IGSF3: variants seen among roughly 807,000 people sequenced by gnomAD.
The protein encoded by IGSF3 is glu-Trp-Ile EWI motif-containing protein 3.
Under a neutral mutation model 114.4 loss-of-function variants are expected in IGSF3, and 23 were observed. The observed-to-expected ratio is 0.20, with a 90% CI of 0.14 to 0.28. The LOEUF is 0.28. Among genes scored for constraint, IGSF3 ranks in the 10% least tolerant of loss-of-function variants. The pLI is 1.00. For missense variants in IGSF3, 1,172 were observed against 1,591.5 expected, an observed-to-expected ratio of 0.74 and a Z score of 4.48; for synonymous variants, 571 against 645.2, an observed-to-expected ratio of 0.88 and a Z score of 1.74.
In IGSF3 at chr1:116,655,560, C is replaced by A. The variant is rs528245364; in HGVS notation, c.43+10724G>T. Among the ~76,000 whole-genome samples, 1 of 152,312 alleles carries A rather than the reference C, an allele frequency of 6.6e-6. No individual in the cohort carries two copies. Among genetic ancestry groups the A allele is most frequent in the East Asian group, 1.9e-4 (1 of 5,190 alleles). On this transcript the variant is annotated intron_variant, in intron 2 of 10. Coordinates refer to ENST00000369486, the MANE Select transcript of IGSF3 (RefSeq NM_001007237.3). This position sits in a 1 kb window ranked among gnomAD's most constrained non-coding sequence, Gnocchi z 4.3. Reference sequence around the variant, plus strand: ...CTGCAGGGGTTGAGAAAAAAAAGTTCTCTTCCTTTGGGTTAAAGTCTTAAA... The same window carrying A: ...CTGCAGGGGTTGAGAAAAAAAAGTTATCTTCCTTTGGGTTAAAGTCTTAAA...
chr1:116,660,479 CTTTTTTTT>C (rs71274759), intron 2 of IGSF3, among the ~76,000 whole-genome samples: 1 of 99,742 alleles, frequency 1.0e-5, no homozygotes, highest in African/African-American at 3.7e-5. Context: ...GTATGCTTTT[CTTTTTTTT>C]TTTTTTTTTT....
rs764711529 is a variant in IGSF3 at position 116,603,660 on chromosome 1, G to A, written c.1588C>T (p.Arg530Cys). Residue 530 changes from arginine (R) to cysteine (C), a missense_variant, in exon 6 of 11, where the codon CGC (arginine) becomes TGC (cysteine). Arg to Cys is a radical substitution (Grantham distance 180). This residue lies in a region of IGSF3 where 736 missense variants were observed against 1,042.0 expected (regional missense o/e 0.71). Transcript: ENST00000369486. The surrounding 1 kb of genome is among the most constrained non-coding windows in gnomAD (Gnocchi z 7.1). ...VDGEWQIVGE[R>C]RASTPISITA... ...ATGGAGATGGGAGTGCTGGCCCGGC[G>A]CTCCCCAACAATCTGCCACTCGCCA... The A allele has an allele frequency of 3.0e-5, 49 of 1,613,586 alleles. No homozygotes were observed. The highest frequency in any genetic ancestry group is 6.7e-5 in the East Asian group (3 of 44,888).
In IGSF3 at chr1:116,575,058, A is replaced by G. The variant is rs917630498; in HGVS notation, c.*2254T>C. ...GCCGTGAACTGAAATCTAAGATTTC[A>G]AACTGAAATCTTAGTTACACATCCT... On this transcript the variant is annotated 3_prime_UTR_variant, in exon 11 of 11. Transcript: ENST00000369486. This position sits in a 1 kb window ranked among gnomAD's most constrained non-coding sequence, Gnocchi z 5.6. 1.3e-5 allele frequency: 2 copies of G among 152,628 alleles called. No individual in the cohort carries two copies. The highest frequency in any genetic ancestry group is 1.9e-4 in the East Asian group (1 of 5,198). The allele number at this position is 152,628 out of a possible 1,614,324, so 9.5% of individuals were successfully genotyped here.
intron 2 of IGSF3, among the ~76,000 whole-genome samples, chr1:116,646,443 C>T (rs546118166): frequency 4.6e-5 from 7 of 152,080 alleles, no homozygotes; most frequent in African/African-American, 1.2e-4. Flanking sequence ...TAATTTTACT[C>T]CAAAAGTTCC....
At chr1:116,611,411 C>T (rs1661013967) in intron 4 of IGSF3, among the ~76,000 whole-genome samples, 1 of 152,202 alleles carries the variant, frequency 6.6e-6, no homozygotes, top group South Asian at 2.1e-4. Flanking sequence ...TGAACACCAA[C>T]ACACACCCAT....
intron 2 of IGSF3, among the ~76,000 whole-genome samples, chr1:116,620,819 C>T (rs1354658555): frequency 6.6e-6 from 1 of 152,214 alleles, no homozygotes; most frequent in Non-Finnish European, 1.5e-5. Context: ...TAGCTCACTG[C>T]AGCCTTGACC....
At chr1:116,602,329 A>G (rs962084678) in intron 6 of IGSF3, among the ~76,000 whole-genome samples, 1 of 149,834 alleles carries the variant, frequency 6.7e-6, no homozygotes, top group African/African-American at 2.5e-5. Context: ...AACTCTAATC[A>G]CTCATTGGAC....
In IGSF3 at chr1:116,600,292, C is replaced by T. The variant is rs372163033; in HGVS notation, c.1678G>A (p.Asp560Asn). The change falls in exon 7 of 11, where the codon GAC (aspartate) becomes AAC (asparagine). Residue 560 changes from aspartate (D) to asparagine (N), a missense_variant. Transcript: ENST00000369486. This position sits in a 1 kb window ranked among gnomAD's most constrained non-coding sequence, Gnocchi z 5.5. ...ATGATACACTGCAAGTCAAAGGAGT[C>T]GCTGTAGGTCACCCCCGGTGTCCGG... ...ISRTPGVTYSDSFDLQCIIKP... is the reference protein window; with the variant it reads ...ISRTPGVTYSNSFDLQCIIKP... The T allele has an allele frequency of 6.8e-5, 110 of 1,612,978 alleles. 1 individual carries two copies. The highest frequency in any genetic ancestry group is 1.9e-4 in the African/African-American group (14 of 75,040).
At chr1:116,602,124 T>G (rs1237210393) in intron 6 of IGSF3, among the ~76,000 whole-genome samples, 1 of 152,214 alleles carries the variant, frequency 6.6e-6, no homozygotes, top group Non-Finnish European at 1.5e-5. Flanking sequence ...GTTCAGTCCT[T>G]TGGGCCACCT....
chr1:116,581,872 C>G (rs1659615598), intron 9 of IGSF3, among the ~76,000 whole-genome samples: 1 of 152,208 alleles, frequency 6.6e-6, no homozygotes, highest in Non-Finnish European at 1.5e-5. Context: ...GGGAGCCCCC[C>G]ACCCCATGCT....
rs1216730042 is a variant in IGSF3, at chr1:116,575,530, A to G, written c.*1782T>C. On this transcript the variant is annotated 3_prime_UTR_variant, in exon 11 of 11. Coordinates refer to ENST00000369486, the MANE Select transcript of IGSF3 (RefSeq NM_001007237.3). This position sits in a 1 kb window ranked among gnomAD's most constrained non-coding sequence, Gnocchi z 5.6. ...ATCAGCACAGACACTGGCCTGGGGA[A>G]TCCCATGGCCTCCCCTGCAGTCTGC... 1 of 152,324 alleles carries G rather than the reference A, an allele frequency of 6.6e-6. No homozygotes were observed. Among genetic ancestry groups the G allele is most frequent in the Non-Finnish European group, 1.5e-5 (1 of 68,010 alleles). The allele number at this position is 152,324 out of a possible 1,614,324, so 9.4% of individuals were successfully genotyped here. A position where few individuals can be genotyped will look rare whatever the true frequency, so the allele number is the denominator to read the frequency against.
In IGSF3 at chr1:116,610,728, TCTCCC is replaced by T. The variant is rs1660988116; in HGVS notation, c.833-2402_833-2398del. Among the ~76,000 whole-genome samples the T allele has an allele frequency of 6.6e-6, 1 of 152,034 alleles. No individual in the cohort carries two copies. The highest frequency in any genetic ancestry group is 1.5e-5 in the Non-Finnish European group (1 of 68,026). On this transcript the variant is annotated intron_variant, in intron 4 of 10. Transcript: ENST00000369486. The surrounding 1 kb of genome is among the most constrained non-coding windows in gnomAD (Gnocchi z 4.3). ...TCTGGTCACCTCTTACTGCTGCTGTTCTCCCAGGTCCTTTCCCATTTTTACCCCAT... is the reference window on the plus strand; with the variant it reads ...TCTGGTCACCTCTTACTGCTGCTGTTAGGTCCTTTCCCATTTTTACCCCAT...
chr1:116,580,571 G>A (rs1471336753), intron 9 of IGSF3, among the ~76,000 whole-genome samples: 7 of 152,252 alleles, frequency 4.6e-5, no homozygotes, highest in Non-Finnish European at 8.8e-5. Flanking sequence ...TGCATGCACC[G>A]AGGAAAGACT....
chr1:116,631,053 T>A (rs1647550622), intron 2 of IGSF3, among the ~76,000 whole-genome samples: 1 of 152,040 alleles, frequency 6.6e-6, no homozygotes, highest in Non-Finnish European at 1.5e-5. Context: ...GCATGGTGGC[T>A]CACGCCTGTA....
At position 116,662,999 on chromosome 1, in the gene IGSF3, C is replaced by A. The variant is rs188809340; in HGVS notation, c.43+3285G>T. Among the ~76,000 whole-genome samples the A allele has an allele frequency of 6.6e-6, 1 of 152,338 alleles. No individual in the cohort carries two copies. Among genetic ancestry groups the A allele is most frequent in the Admixed American group, 6.5e-5 (1 of 15,308 alleles). On this transcript the variant is annotated intron_variant, in intron 2 of 10. Coordinates refer to ENST00000369486, the MANE Select transcript of IGSF3 (RefSeq NM_001007237.3). This position sits in a 1 kb window ranked among gnomAD's most constrained non-coding sequence, Gnocchi z 4.3. The stretch of plus-strand genomic sequence containing the variant: ...ATTCAAAGAAGAGACTTCCCAAACT[C>A]TACAAATGAACTTCTCTCCCTCTGG...
At position 116,651,089 on chromosome 1, in the gene IGSF3, C is replaced by A. The variant is rs1233104429; in HGVS notation, c.43+15195G>T. Among the ~76,000 whole-genome samples, 4 of 152,204 alleles carry A rather than the reference C, an allele frequency of 2.6e-5. No homozygotes were observed. Among genetic ancestry groups the A allele is most frequent in the Non-Finnish European group, 5.9e-5 (4 of 68,036 alleles). On this transcript the variant is annotated intron_variant, in intron 2 of 10. Coordinates refer to ENST00000369486, the MANE Select transcript of IGSF3 (RefSeq NM_001007237.3). This position sits in a 1 kb window ranked among gnomAD's most constrained non-coding sequence, Gnocchi z 4.4. ...GTTCCAGGCACAAAAAGGAAGCTCA[C>A]AATAAGGAACGCCCATGCCTAGCCA...
intron 7 of IGSF3, among the ~76,000 whole-genome samples, chr1:116,599,391 T>C (rs4112479): frequency 0.025 from 3,695 of 148,204 alleles, 151 homozygotes; most frequent in African/African-American, 0.084. Context: ...CACATACATA[T>C]ACACACACAC....
intron 5 of IGSF3, chr1:116,606,663 T>C: frequency 1.6e-6 from 1 of 637,218 alleles, no homozygotes; most frequent in Admixed American, 3.0e-5. Context: ...GCCCTTCACT[T>C]GATCCTTAGA....
rs572406564 is a variant in IGSF3 at position 116,579,380 on chromosome 1, T to TG, written c.3334+11dup. On this transcript the variant is annotated intron_variant, in intron 10 of 10. Transcript: ENST00000369486. This position sits in a 1 kb window ranked among gnomAD's most constrained non-coding sequence, Gnocchi z 6.4. ...AACAGTGACATCCTCCCTCTGTACTTGGGAAACTCACTTGTATCTAGAACA... is the reference window on the plus strand; with the variant it reads ...AACAGTGACATCCTCCCTCTGTACTTGGGGAAACTCACTTGTATCTAGAACA... 704 of 1,540,774 alleles carry TG rather than the reference T, an allele frequency of 4.6e-4. No homozygotes were observed. Among genetic ancestry groups the TG allele is most frequent in the Middle Eastern group, 3.0e-3 (17 of 5,696 alleles).
Sources: allele counts gnomAD v4.1 joint callset (sites outside exome capture counted in the v4.1 genomes callset), GRCh38; gene constraint gnomAD v4.1.1; regional missense constraint gnomAD v4.1.1; non-coding constraint Gnocchi (gnomAD v3.1); transcripts MANE v1.5; gene names NCBI Gene and HGNC (gene_info 2026-07-23, HGNC 2026-07-21).